CST8: variants seen among roughly 807,000 people sequenced by gnomAD.
CST8 encodes cystatin-8.
A neutral mutation model predicts 11.8 loss-of-function variants in CST8; 20 were observed. The ratio of observed to expected loss-of-function variants is 1.70; its 90% CI spans 1.20 to 2.47. CST8 has a LOEUF of 2.47. CST8 is among the 30% of genes most tolerant of loss of function. CST8 has a pLI of 0.00. For missense variants in CST8, 196 were observed against 167.2 expected (o/e 1.17, Z -0.95); for synonymous variants, 77 against 63.1 (o/e 1.22, Z -1.05).
intron 2 of CST8, among the ~76,000 whole-genome samples, chr20:23,492,705 T>C (rs1987925629): frequency 6.6e-6 from 1 of 152,092 alleles, no homozygotes; most frequent in Non-Finnish European, 1.5e-5. Context: ...AGGCCTTGCT[T>C]TCAAGGAGGT....
Sources: gnomAD v4.1 joint callset for allele counts (sites outside exome capture counted in the v4.1 genomes callset) on GRCh38, gnomAD v4.1.1 for gene constraint, MANE v1.5 for transcripts, NCBI Gene and HGNC (gene_info 2026-07-23, HGNC 2026-07-21) for gene names.